The following LAMA3 variants were observed in gnomAD, a reference collection of about 807,000 sequenced individuals.
LAMA3 encodes laminin subunit alpha 3.
LAMA3 carries 281 observed loss-of-function variants against 402.0 expected under a neutral mutation model. The ratio of observed to expected loss-of-function variants is 0.70; its 90% CI spans 0.63 to 0.77. LAMA3 has a LOEUF of 0.77. Among genes scored for constraint, LAMA3 ranks in the 30% least tolerant of loss-of-function variants. LAMA3 has a pLI of 0.00. For missense variants in LAMA3, 3,840 were observed against 4,215.5 expected (o/e 0.91, Z 2.47); for synonymous variants, 1,431 against 1,558.4 (o/e 0.92, Z 1.93).
At chr18:23,707,153 C>T (rs969875091) in intron 1 of LAMA3, among the ~76,000 whole-genome samples, 3 of 152,210 alleles carry the variant, frequency 2.0e-5, no homozygotes, top group African/African-American at 7.2e-5. Context: ...GTTGATTCTT[C>T]TGCTCCATGG....
At chr18:23,910,486 G>A (rs916084275) in intron 55 of LAMA3, among the ~76,000 whole-genome samples, 1 of 152,158 alleles carries the variant, frequency 6.6e-6, no homozygotes, top group African/African-American at 2.4e-5. Flanking sequence ...GGGTGCTGAG[G>A]ACACAGAAAT....
intron 2 of LAMA3, among the ~76,000 whole-genome samples, chr18:23,732,431 TC>T (rs2061409213): frequency 6.6e-6 from 1 of 152,152 alleles, no homozygotes; most frequent in South Asian, 2.1e-4. Flanking sequence ...GTAAAACTTC[TC>T]ACACCCAGCT....
chr18:23,730,512 C>A (rs558534893), intron 2 of LAMA3, among the ~76,000 whole-genome samples: 1 of 151,978 alleles, frequency 6.6e-6, no homozygotes, highest in East Asian at 1.9e-4. Context: ...GGATTACAGG[C>A]ACCCACCATC....
chr18:23,831,712 G>T (rs563176936), intron 23 of LAMA3, among the ~76,000 whole-genome samples: 1 of 152,112 alleles, frequency 6.6e-6, no homozygotes, highest in East Asian at 1.9e-4. Context: ...TGGTGGACTG[G>T]CATAGCATAG....
Position 23,926,355 on chromosome 18 carries a change from G to A in LAMA3, c.8178-1768G>A, listed in dbSNP as rs564793026. ...TGGAGAGAGGGACATCTGGAATGTC[G>A]TTGTCCAAGAGATATGTTGAAACCC... On this transcript the variant is annotated intron_variant, in intron 62 of 74. Transcript: ENST00000313654. 5.3e-5 allele frequency among the ~76,000 whole-genome samples: 8 copies of A among 152,188 alleles called. No individual in the cohort carries two copies. In the East Asian group the frequency reaches 5.8e-4, roughly 11 times the overall value.
Position 23,847,479 on chromosome 18 carries a change from G to A in LAMA3, c.3947G>A (p.Arg1316Gln), listed in dbSNP as rs769054831. Residue 1316 changes from arginine to glutamine, a missense_variant, in exon 32 of 75, where the codon CGG becomes CAG. Arg to Gln is a conservative substitution (Grantham distance 43). Coordinates refer to ENST00000313654, the MANE Select transcript of LAMA3 (RefSeq NM_198129.4). ...CCCTGGCCAGCGTGCAGCTGTGGTC[G>A]GCGCCTTTGTGAAGAGATGACGGGG... ...FPRCKPCSCG[R>Q]RLCEEMTGQC... The A allele has an allele frequency of 1.6e-4, 257 of 1,612,570 alleles. No homozygotes were observed. Among genetic ancestry groups the A allele is most frequent in the Non-Finnish European group, 2.1e-4 (243 of 1,180,042 alleles).
At chr18:23,851,808 G>A (rs1429648233) in intron 32 of LAMA3, among the ~76,000 whole-genome samples, 1 of 152,176 alleles carries the variant, frequency 6.6e-6, no homozygotes, top group African/African-American at 2.4e-5. Flanking sequence ...CCTTGGACAA[G>A]TTCCCTAAGC....
In LAMA3 at chr18:23,826,743, T is replaced by C. The variant is rs1279544799; in HGVS notation, c.2613T>C (p.Ser871=). ...TCCCCAGGGACTACTATGAAGCCTCTGTACTGCAGCTGCCAGTCACAGAAC... is the reference window on the plus strand; with the variant it reads ...TCCCCAGGGACTACTATGAAGCCTCCGTACTGCAGCTGCCAGTCACAGAAC... ...VLLPRDYYEA[S]VLQLPVTEPC... is the part of the protein sequence containing the mutation. Residue 871 remains serine, a synonymous_variant, in exon 22 of 75, where the codon TCT becomes TCC. Coordinates refer to ENST00000313654, the MANE Select transcript of LAMA3 (RefSeq NM_198129.4). 6.4e-7 allele frequency: 1 copy of C among 1,566,132 alleles called. No individual in the cohort carries two copies.
At chr18:23,744,249 AT>A (rs749239223) in intron 2 of LAMA3, among the ~76,000 whole-genome samples, 5 of 152,182 alleles carry the variant, frequency 3.3e-5, no homozygotes, top group Non-Finnish European at 5.9e-5. Context: ...AGGGGTGGTG[AT>A]AAATAACACA....
intron 12 of LAMA3, among the ~76,000 whole-genome samples, chr18:23,807,922 C>T (rs1031639361): frequency 6.6e-6 from 1 of 152,150 alleles, no homozygotes; most frequent in African/African-American, 2.4e-5. Context: ...AGAGACTTAA[C>T]CTCTGCAGAC....
chr18:23,914,816 G>C lies in LAMA3; in HGVS notation c.7600G>C (p.Glu2534Gln), dbSNP rs1485637231. The C allele has an allele frequency of 5.0e-6, 8 of 1,613,326 alleles. No individual in the cohort carries two copies. The highest frequency in any genetic ancestry group is 6.8e-6 in the Non-Finnish European group (8 of 1,179,318). ...CAATACACTCCTTAATTTGGATCCT[G>C]AAAATGTTGTATTTTATGTTGGAGG... ...NSNTLLNLDPENVVFYVGGYP... is the reference protein window; with the variant it reads ...NSNTLLNLDPQNVVFYVGGYP... Residue 2534 changes from glutamate (E) to glutamine (Q), a missense_variant, in exon 58 of 75, where the codon GAA (glutamate) becomes CAA (glutamine). Physicochemically the swap from Glu to Gln is conservative, Grantham distance 29. Coordinates refer to ENST00000313654, the MANE Select transcript of LAMA3 (RefSeq NM_198129.4).
chr18:23,858,535 G>A (rs1468727334), intron 33 of LAMA3, among the ~76,000 whole-genome samples, 154 bp from the exon 34 acceptor site: 2 of 152,148 alleles, frequency 1.3e-5, no homozygotes, highest in Non-Finnish European at 2.9e-5. Flanking sequence ...CAATTAACAT[G>A]GGATGAAAGC....
At chr18:23,876,756 G>A (rs765083734) in intron 39 of LAMA3, among the ~76,000 whole-genome samples, 5 of 152,166 alleles carry the variant, frequency 3.3e-5, no homozygotes, top group South Asian at 2.1e-4. Context: ...TTGTTGGGGC[G>A]GCAGGAAGTT....
intron 1 of LAMA3, 108 bp from the exon 2 acceptor site, chr18:23,713,812 A>T: frequency 2.1e-6 from 2 of 944,808 alleles, no homozygotes; most frequent in Non-Finnish European, 3.2e-6. Flanking sequence ...GCTGTATAAG[A>T]TAGTCTTTGT....
At chr18:23,922,843 T>C (rs746133) in intron 62 of LAMA3, among the ~76,000 whole-genome samples, 37,048 of 152,088 alleles carry the variant, frequency 0.24, 6,746 homozygotes, top group East Asian at 0.66. Context: ...ACAGGATTTA[T>C]TGAGTGCCTA....
chr18:23,936,615 T>C (rs990609258), intron 67 of LAMA3, among the ~76,000 whole-genome samples: 9 of 152,092 alleles, frequency 5.9e-5, no homozygotes, highest in African/African-American at 1.9e-4. Flanking sequence ...TGAGAGGAAG[T>C]TGAGGGCGTG....
At chr18:23,705,581 G>C (rs188922853) in intron 1 of LAMA3, among the ~76,000 whole-genome samples, 1 of 152,160 alleles carries the variant, frequency 6.6e-6, no homozygotes, top group Admixed American at 6.5e-5. Context: ...CTGTAGTGCA[G>C]TGATGCAATC....
chr18:23,954,423 ATACT>A, intron 74 of LAMA3, 76 bp from the exon 75 acceptor site: 1 of 1,207,486 alleles, frequency 8.3e-7, no homozygotes, highest in Non-Finnish European at 1.2e-6. Context: ...AAAAAAAAAA[ATACT>A]ATCTTTTAAA....
chr18:23,795,977 C>T, intron 12 of LAMA3: 2 of 332,246 alleles, frequency 6.0e-6, no homozygotes, highest in Non-Finnish European at 1.2e-5. Flanking sequence ...TAAGAAGAGA[C>T]ACAAGATAGC....
Sources: allele counts gnomAD v4.1 joint callset (sites outside exome capture counted in the v4.1 genomes callset), GRCh38; gene constraint gnomAD v4.1.1; transcripts MANE v1.5; gene names NCBI Gene and HGNC (gene_info 2026-07-23, HGNC 2026-07-21).